RFX7: variants seen among roughly 807,000 people sequenced by gnomAD.
The protein encoded by RFX7 is DNA-binding protein RFX7.
RFX7 carries 26 observed loss-of-function variants against 111.8 expected under a neutral mutation model. The ratio of observed to expected loss-of-function variants is 0.23; its 90% CI spans 0.17 to 0.32. The LOEUF (loss-of-function observed/expected upper bound fraction) is 0.32. Ranked by LOEUF, RFX7 falls within the 10% of genes least tolerant of loss-of-function variation. The pLI is 1.00. For missense variants in RFX7, 1,573 were observed against 1,772.9 expected (o/e 0.89, Z 2.02); for synonymous variants, 624 against 624.4 (o/e 1.00, Z 0.01).
At chr15:56,131,331 T>G (rs1249697234) in intron 5 of RFX7, among the ~76,000 whole-genome samples, 1 of 3,734 alleles carries the variant, frequency 2.7e-4, no homozygotes, top group Non-Finnish European at 6.9e-3. Flanking sequence ...CAGGTTGGAG[T>G]GCATTGGCTT....
chr15:56,202,925 T>G (rs1207768776), intron 2 of RFX7, among the ~76,000 whole-genome samples: 1 of 152,220 alleles, frequency 6.6e-6, no homozygotes, highest in Non-Finnish European at 1.5e-5. Context: ...AAACTGCCAA[T>G]CTCTTGGGTA....
chr15:56,098,379 GAAAAT>G lies in RFX7; in HGVS notation c.812-8_812-4del. 6.3e-7 allele frequency: 1 copy of G among 1,578,466 alleles called. No homozygotes were observed. The highest frequency in any genetic ancestry group is 8.6e-7 in the Non-Finnish European group (1 of 1,162,044). On this transcript the variant is annotated splice_region_variant and splice_polypyrimidine_tract_variant and intron_variant, in intron 8 of 9. Transcript: ENST00000559447. Reference sequence around the variant, plus strand: ...AGGCTGGGTAATTCCTTTCATTCCTGAAAATAAACAGAAAGGAAAGCTGCAATAAA... The same window carrying G: ...AGGCTGGGTAATTCCTTTCATTCCTGAAACAGAAAGGAAAGCTGCAATAAA...
At chr15:56,232,447 G>C (rs2043571756) in intron 2 of RFX7, among the ~76,000 whole-genome samples, 1 of 152,156 alleles carries the variant, frequency 6.6e-6, no homozygotes, top group African/African-American at 2.4e-5. Flanking sequence ...CTAGGCCGCT[G>C]GGTCTGTGAT....
chr15:56,104,223 C>G (rs1471361673), intron 5 of RFX7, among the ~76,000 whole-genome samples: 1 of 152,200 alleles, frequency 6.6e-6, no homozygotes, highest in Non-Finnish European at 1.5e-5. Context: ...TCTACCCCCA[C>G]CATCCCTAGT....
intron 2 of RFX7, 52 bp downstream of exon 2, chr15:56,243,073 C>G: frequency 1.3e-6 from 1 of 776,614 alleles, no homozygotes; most frequent in Non-Finnish European, 2.0e-6. Flanking sequence ...ACCCACTTTG[C>G]AGCAGAAATG....
intron 5 of RFX7, among the ~76,000 whole-genome samples, chr15:56,141,559 C>G (rs377236328): frequency 6.7e-6 from 1 of 150,242 alleles, no homozygotes; most frequent in Non-Finnish European, 1.5e-5. Context: ...TACCTGATTT[C>G]TATAACCTTT....
At position 56,226,647 on chromosome 15, in the gene RFX7, A is replaced by G. The variant is rs145260652; in HGVS notation, c.161+16478T>C. Among the ~76,000 whole-genome samples the G allele has an allele frequency of 1.5e-4, 23 of 152,330 alleles. No homozygotes were observed. In the East Asian group the frequency reaches 4.2e-3, roughly 28 times the overall value. The stretch of plus-strand genomic sequence containing the variant: ...AGGCTTAAATGGGCTAGAAGCAAAG[A>G]TGGAATAAGAAAGTAATACAGAGAG... On this transcript the variant is annotated intron_variant, in intron 2 of 9. Transcript: ENST00000559447.
At chr15:56,193,723 A>AG (rs1379035482) in intron 2 of RFX7, among the ~76,000 whole-genome samples, 1 of 152,144 alleles carries the variant, frequency 6.6e-6, no homozygotes, top group East Asian at 1.9e-4. Context: ...AGTAGGGAAG[A>AG]GGGGGAAAAC....
intron 5 of RFX7, among the ~76,000 whole-genome samples, chr15:56,121,951 C>T (rs2042084206): frequency 6.6e-6 from 1 of 152,188 alleles, no homozygotes; most frequent in African/African-American, 2.4e-5. Context: ...TGAGCTCCCT[C>T]AAAAGAGCAA....
rs1248154558 is a variant in RFX7, at chr15:56,089,214, G to A, written c.*4131C>T. ...TGTGTGTATGGAGTGCTTAATGGAA[G>A]ATTCTGAGATTTTTTTTTCTCTCTG... is the stretch of plus-strand genomic sequence containing the variant. On this transcript the variant is annotated 3_prime_UTR_variant, in exon 10 of 10. Coordinates refer to ENST00000559447, the MANE Select transcript of RFX7 (RefSeq NM_022841.7). 1.3e-5 allele frequency: 2 copies of A among 152,418 alleles called. No individual in the cohort carries two copies. Among genetic ancestry groups the A allele is most frequent in the Non-Finnish European group, 2.9e-5 (2 of 68,058 alleles). The allele number at this position is 152,418 out of a possible 1,614,324, so 9.4% of individuals were successfully genotyped here. A position where few individuals can be genotyped will look rare whatever the true frequency, so the allele number is the denominator to read the frequency against.
At chr15:56,197,717 G>C (rs1412955155) in intron 2 of RFX7, among the ~76,000 whole-genome samples, 3 of 151,854 alleles carry the variant, frequency 2.0e-5, no homozygotes, top group Admixed American at 2.0e-4. Flanking sequence ...ATAGGAGTGT[G>C]GAAAAAAAGT....
chr15:56,162,111 C>T (rs749075837), intron 3 of RFX7, among the ~76,000 whole-genome samples: 1 of 152,060 alleles, frequency 6.6e-6, no homozygotes, highest in Non-Finnish European at 1.5e-5. Flanking sequence ...TTTCTAGTCA[C>T]TGTGTTTTTA....
At chr15:56,226,730 C>T (rs2043489011) in intron 2 of RFX7, among the ~76,000 whole-genome samples, 1 of 152,122 alleles carries the variant, frequency 6.6e-6, no homozygotes. Context: ...AAGTGGGACC[C>T]TGATGTAAAT....
intron 5 of RFX7, among the ~76,000 whole-genome samples, chr15:56,132,721 ACAG>A (rs1394846477): frequency 1.3e-5 from 2 of 152,142 alleles, no homozygotes; most frequent in Non-Finnish European, 2.9e-5. Context: ...AAATTAACAA[ACAG>A]CAATCTTGAA....
intron 5 of RFX7, among the ~76,000 whole-genome samples, chr15:56,106,008 T>G (rs2041825065): frequency 6.6e-6 from 1 of 152,216 alleles, no homozygotes. Context: ...TAGGTTAGTT[T>G]ATGGTTACTT....
intron 2 of RFX7, among the ~76,000 whole-genome samples, chr15:56,235,871 T>A (rs1056752657): frequency 6.6e-6 from 1 of 152,308 alleles, no homozygotes; most frequent in Non-Finnish European, 1.5e-5. Context: ...TCAGATAATT[T>A]ATTTTTTTTA....
At chr15:56,177,230 C>T (rs981041359) in intron 3 of RFX7, among the ~76,000 whole-genome samples, 1 of 152,072 alleles carries the variant, frequency 6.6e-6, no homozygotes, top group Admixed American at 6.6e-5. Flanking sequence ...TTACTCAGGT[C>T]GGCACTCAAA....
chr15:56,200,148 C>T (rs2043180196), intron 2 of RFX7, among the ~76,000 whole-genome samples: 2 of 152,110 alleles, frequency 1.3e-5, no homozygotes, highest in Admixed American at 1.3e-4. Context: ...TAGTGCTGAA[C>T]CTTCAGAGGT....
intron 3 of RFX7, among the ~76,000 whole-genome samples, chr15:56,149,018 G>A (rs1452440309): frequency 6.6e-6 from 1 of 150,806 alleles, no homozygotes. Context: ...GGAAGGCGGA[G>A]CTTGCAGTGA....
Sources: gnomAD v4.1 joint callset for allele counts (sites outside exome capture counted in the v4.1 genomes callset) on GRCh38, gnomAD v4.1.1 for gene constraint, MANE v1.5 for transcripts, NCBI Gene and HGNC (gene_info 2026-07-23, HGNC 2026-07-21) for gene names.